The following ADGRB1 variants were observed in gnomAD, a reference collection of about 807,000 sequenced individuals.
ADGRB1 encodes the protein adhesion G protein-coupled receptor B1.
A neutral mutation model predicts 175.7 loss-of-function variants in ADGRB1; 36 were observed. That is an observed-to-expected ratio of 0.20 (90% confidence interval 0.16 to 0.27). The LOEUF (loss-of-function observed/expected upper bound fraction) is 0.27. Among genes scored for constraint, ADGRB1 ranks in the 10% least tolerant of loss-of-function variants. The probability of loss-of-function intolerance (pLI) is 1.00; values close to 1 mark genes in which losing one functional copy is unlikely to be tolerated. For missense variants in ADGRB1, 1,731 were observed against 2,255.3 expected (o/e 0.77, Z 4.71); for synonymous variants, 1,054 against 979.4 (o/e 1.08, Z -1.42).
chr8:142,529,744 ATGTG>A (rs921722453), intron 24 of ADGRB1, among the ~76,000 whole-genome samples: 1 of 145,474 alleles, frequency 6.9e-6, no homozygotes, highest in Non-Finnish European at 1.5e-5. Context: ...CAGTGTGCAT[ATGTG>A]TGAGTGTGCA....
Position 142,520,968 on chromosome 8 carries a change from G to C in ADGRB1, c.3024+43G>C, listed in dbSNP as rs767085386. On this transcript the variant is annotated intron_variant, in intron 20 of 30. Coordinates refer to ENST00000517894, the MANE Select transcript of ADGRB1 (RefSeq NM_001702.3). Reference sequence around the variant, plus strand: ...CTGCCATGCACTTCCCAACATCCTCGGGTGGTGAGGATGGACCCCAGGAGG... The same window carrying C: ...CTGCCATGCACTTCCCAACATCCTCCGGTGGTGAGGATGGACCCCAGGAGG... 4 of 1,555,126 alleles carry C rather than the reference G, an allele frequency of 2.6e-6. No homozygotes were observed. In the South Asian group the frequency reaches 3.4e-5, roughly 13 times the overall value.
intron 17 of ADGRB1, among the ~76,000 whole-genome samples, chr8:142,509,242 C>T (rs1396509644): frequency 3.3e-5 from 5 of 152,146 alleles, no homozygotes; most frequent in Non-Finnish European, 7.4e-5. Flanking sequence ...GCTCTGAGCC[C>T]GGCCCTGTGC....
rs1843124771 is a variant in ADGRB1, at chr8:142,511,838, A to G, written c.2817+765A>G. 6.6e-6 allele frequency among the ~76,000 whole-genome samples: 1 copy of G among 152,238 alleles called. No individual in the cohort carries two copies. Among genetic ancestry groups the G allele is most frequent in the Admixed American group, 6.5e-5 (1 of 15,290 alleles). On this transcript the variant is annotated intron_variant, in intron 18 of 30. Coordinates refer to ENST00000517894, the MANE Select transcript of ADGRB1 (RefSeq NM_001702.3). This position sits in a 1 kb window ranked among gnomAD's most constrained non-coding sequence, Gnocchi z 4.5. ...GGCCCAGGACAGCCCACAGAGCAGG[A>G]AAGGGCCTTGGGCGTGTGCTCACCA... is the stretch of plus-strand genomic sequence containing the variant.
Position 142,493,153 on chromosome 8 carries a change from C to G in ADGRB1, c.2675+2338C>G, listed in dbSNP as rs1384042323. On this transcript the variant is annotated intron_variant, in intron 17 of 30. Transcript: ENST00000517894. The surrounding 1 kb of genome is among the most constrained non-coding windows in gnomAD (Gnocchi z 5.0). Reference sequence around the variant, plus strand: ...CCTGGGGGGCCTGCAGAGTAAATTGCTTTTTAGAAAGGAAAGCATCCCCTT... The same window carrying G: ...CCTGGGGGGCCTGCAGAGTAAATTGGTTTTTAGAAAGGAAAGCATCCCCTT... 6.6e-6 allele frequency among the ~76,000 whole-genome samples: 1 copy of G among 151,984 alleles called. No individual in the cohort carries two copies. Among genetic ancestry groups the G allele is most frequent in the East Asian group, 1.9e-4 (1 of 5,152 alleles).
At chr8:142,456,622 C>G (rs1184616454) in intron 1 of ADGRB1, among the ~76,000 whole-genome samples, 1 of 152,268 alleles carries the variant, frequency 6.6e-6, no homozygotes, top group East Asian at 1.9e-4. Context: ...GATGCATCCT[C>G]TAGCCCCTCC....
chr8:142,510,645 C>CCCCCG lies in ADGRB1; in HGVS notation c.2676-277_2676-273dup, dbSNP rs933988152. ...TGCCGGGCCCCGGGCCAGCTCTCGC[C>CCCCCG]CCCCGCCCCGCCCCCGATCGCTCGG... On this transcript the variant is annotated intron_variant, in intron 17 of 30. Coordinates refer to ENST00000517894, the MANE Select transcript of ADGRB1 (RefSeq NM_001702.3). This position sits in a 1 kb window ranked among gnomAD's most constrained non-coding sequence, Gnocchi z 6.3. Among the ~76,000 whole-genome samples the CCCCCG allele has an allele frequency of 5.5e-5, 8 of 145,920 alleles. No individual in the cohort carries two copies. The highest frequency in any genetic ancestry group is 1.2e-4 in the Non-Finnish European group (8 of 65,652).
intron 25 of ADGRB1, among the ~76,000 whole-genome samples, chr8:142,535,794 G>A (rs929619187): frequency 5.3e-5 from 8 of 152,036 alleles, no homozygotes; most frequent in African/African-American, 9.7e-5. Context: ...CCGGGCACAC[G>A]GTAGGTGCCC....
intron 1 of ADGRB1, among the ~76,000 whole-genome samples, chr8:142,460,208 T>A (rs1487227401): frequency 6.6e-6 from 1 of 151,776 alleles, no homozygotes; most frequent in Non-Finnish European, 1.5e-5. Context: ...GCAGGTGGGG[T>A]GCAGGAGACC....
chr8:142,531,934 G>A (rs1018154861), intron 24 of ADGRB1, among the ~76,000 whole-genome samples: 1 of 152,132 alleles, frequency 6.6e-6, no homozygotes, highest in African/African-American at 2.4e-5. Flanking sequence ...TCTGCACTAG[G>A]GGTGGGAGCA....
intron 14 of ADGRB1, 113 bp downstream of exon 14, chr8:142,488,620 A>C: frequency 7.2e-7 from 1 of 1,389,788 alleles, no homozygotes; most frequent in Non-Finnish European, 9.7e-7. Context: ...GCGGTTCTCA[A>C]GGGGGTCCTC....
chr8:142,541,890 C>T, intron 27 of ADGRB1, 51 bp from the exon 28 acceptor site: 1 of 1,490,248 alleles, frequency 6.7e-7, no homozygotes, highest in South Asian at 1.3e-5. Context: ...CTGTCCTACG[C>T]CATCCTCACC....
chr8:142,543,645 C>G lies in ADGRB1; in HGVS notation c.4494C>G (p.Asp1498Glu). Reference sequence around the variant, plus strand: ...AGCGGCACCAAGACATGTTCCAGGACCTGAACCGGAAGCTGCAGCACGCAG... The same window carrying G: ...AGCGGCACCAAGACATGTTCCAGGAGCTGAACCGGAAGCTGCAGCACGCAG... ...TRKRHQDMFQ[D>E]LNRKLQHAAE... The change falls in exon 30 of 31, where the codon GAC becomes GAG. Residue 1498 changes from aspartate (D) to glutamate (E), a missense_variant. Physicochemically the swap from Asp to Glu is conservative, Grantham distance 45. This residue lies in a region of ADGRB1 where 394 missense variants were observed against 410.2 expected (regional missense o/e 0.96). Transcript: ENST00000517894. This position sits in a 1 kb window ranked among gnomAD's most constrained non-coding sequence, Gnocchi z 4.4. 6.4e-7 allele frequency: 1 copy of G among 1,570,614 alleles called. No individual in the cohort carries two copies. The highest frequency in any genetic ancestry group is 2.4e-5 in the East Asian group (1 of 42,164).
chr8:142,499,420 G>A (rs557498071), intron 17 of ADGRB1, among the ~76,000 whole-genome samples: 1 of 152,390 alleles, frequency 6.6e-6, no homozygotes, highest in East Asian at 1.9e-4. Context: ...GCTCAAAAGA[G>A]CGCCACCCTT....
intron 1 of ADGRB1, among the ~76,000 whole-genome samples, chr8:142,451,562 G>A (rs1839351760): frequency 6.6e-6 from 1 of 152,050 alleles, no homozygotes; most frequent in African/African-American, 2.4e-5. Flanking sequence ...CAGAGGAGCC[G>A]CTTGTCGTTT....
chr8:142,521,597 G>A (rs1843852964), intron 20 of ADGRB1, among the ~76,000 whole-genome samples: 1 of 152,258 alleles, frequency 6.6e-6, no homozygotes, highest in African/African-American at 2.4e-5. Flanking sequence ...GAGGTTGCCT[G>A]CGACTTGCTG....
At chr8:142,541,200 G>A (rs1468239670) in intron 27 of ADGRB1, among the ~76,000 whole-genome samples, 4 of 152,090 alleles carry the variant, frequency 2.6e-5, no homozygotes, top group East Asian at 1.9e-4. Context: ...CCCTCTGTCA[G>A]GGGCAGGCGG....
At chr8:142,526,692 C>CG (rs1844222569) in intron 24 of ADGRB1, 65 bp downstream of exon 24, 1 of 1,483,896 alleles carries the variant, frequency 6.7e-7, no homozygotes, top group East Asian at 2.4e-5. Context: ...CACCCAGCCC[C>CG]GGGGGATGGA....
At chr8:142,526,785 C>A (rs144058213) in intron 24 of ADGRB1, among the ~76,000 whole-genome samples, 158 bp downstream of exon 24, 1,540 of 152,312 alleles carry the variant, frequency 0.01, 20 homozygotes, top group African/African-American at 0.035. Flanking sequence ...ACAGAGGCCC[C>A]TTAGGCTCAG....
intron 2 of ADGRB1, among the ~76,000 whole-genome samples, chr8:142,471,230 G>A (rs1387694102): frequency 6.6e-6 from 1 of 152,190 alleles, no homozygotes; most frequent in Non-Finnish European, 1.5e-5. Context: ...GGGCCCCATG[G>A]GAATGATATG....
Sources: allele counts gnomAD v4.1 joint callset (sites outside exome capture counted in the v4.1 genomes callset), GRCh38; gene constraint gnomAD v4.1.1; regional missense constraint gnomAD v4.1.1; non-coding constraint Gnocchi (gnomAD v3.1); transcripts MANE v1.5; gene names NCBI Gene and HGNC (gene_info 2026-07-23, HGNC 2026-07-21).